The following SND1 variants were observed in gnomAD, a reference collection of about 807,000 sequenced individuals.
SND1 encodes staphylococcal nuclease domain-containing protein 1.
A neutral mutation model predicts 121.7 loss-of-function variants in SND1; 38 were observed. The observed-to-expected ratio is 0.31, with a 90% CI of 0.24 to 0.41. The LOEUF is 0.41. Ranked by LOEUF, SND1 falls within the 10% of genes least tolerant of loss-of-function variation. The pLI is 1.00. For synonymous variants in SND1, 401 were observed against 447.4 expected (o/e 0.90, Z 1.31); for missense variants, 868 against 1,184.6 (o/e 0.73, Z 3.92).
At chr7:127,736,509 G>A (rs1296675525) in intron 10 of SND1, among the ~76,000 whole-genome samples, 3 of 152,128 alleles carry the variant, frequency 2.0e-5, no homozygotes, top group South Asian at 2.1e-4. Flanking sequence ...TTATATCTTT[G>A]TTCTTAAAAT....
intron 16 of SND1, among the ~76,000 whole-genome samples, chr7:128,059,098 T>C (rs995937711): frequency 3.3e-5 from 5 of 152,196 alleles, no homozygotes; most frequent in Admixed American, 2.0e-4. Flanking sequence ...CTGCCACTTA[T>C]GCACTATTTC....
intron 11 of SND1, among the ~76,000 whole-genome samples, chr7:127,835,821 T>C (rs1337293030): frequency 2.6e-5 from 4 of 152,150 alleles, no homozygotes; most frequent in African/African-American, 9.7e-5. Flanking sequence ...ATTTAAAATA[T>C]TGTCATTTGT....
chr7:128,024,808 A>C (rs542031005), intron 16 of SND1, among the ~76,000 whole-genome samples: 2 of 152,304 alleles, frequency 1.3e-5, no homozygotes, highest in South Asian at 4.1e-4. Context: ...AAAGAGTTAG[A>C]GCTGGGGTAG....
intron 1 of SND1, among the ~76,000 whole-genome samples, chr7:127,674,349 A>G (rs182357461): frequency 6.6e-6 from 1 of 152,328 alleles, no homozygotes; most frequent in East Asian, 1.9e-4. Context: ...ATTTATCTGT[A>G]TATATTAAAA....
chr7:128,062,093 G>A (rs1793240685), intron 16 of SND1, among the ~76,000 whole-genome samples: 1 of 152,264 alleles, frequency 6.6e-6, no homozygotes, highest in Non-Finnish European at 1.5e-5. Flanking sequence ...TTAGTCGGGT[G>A]AGAGGAGAAG....
chr7:127,811,393 T>C (rs1448730673), intron 11 of SND1, among the ~76,000 whole-genome samples: 1 of 152,202 alleles, frequency 6.6e-6, no homozygotes, highest in Non-Finnish European at 1.5e-5. Flanking sequence ...ATCCAGAATT[T>C]CCAAGACTAA....
intron 9 of SND1, chr7:127,718,630 G>A (rs1162035032): frequency 4.1e-6 from 4 of 985,268 alleles, no homozygotes; most frequent in Non-Finnish European, 4.8e-6. Context: ...CTGCTGCTGG[G>A]GCCTAAAATT....
chr7:127,832,748 G>A (rs539638852), intron 11 of SND1, among the ~76,000 whole-genome samples: 22 of 152,308 alleles, frequency 1.4e-4, no homozygotes, highest in African/African-American at 4.6e-4. Flanking sequence ...ACTGCGGACC[G>A]GTACTGGTCC....
At chr7:127,740,808 C>T (rs1353908892) in intron 10 of SND1, among the ~76,000 whole-genome samples, 1 of 152,172 alleles carries the variant, frequency 6.6e-6, no homozygotes, top group East Asian at 1.9e-4. Flanking sequence ...AAGTGGAAAT[C>T]TGGTGAGATT....
intron 2 of SND1, among the ~76,000 whole-genome samples, chr7:127,688,785 A>G (rs555882871): frequency 9.2e-5 from 14 of 152,016 alleles, no homozygotes; most frequent in Admixed American, 2.0e-4. Flanking sequence ...CTTTGCCCCA[A>G]CTTTATCATG....
chr7:127,985,344 A>C (rs988788299), intron 15 of SND1, among the ~76,000 whole-genome samples: 1 of 151,968 alleles, frequency 6.6e-6, no homozygotes, highest in African/African-American at 2.4e-5. Flanking sequence ...TGCAACCTCC[A>C]CTTCTGGAAT....
At chr7:127,797,152 C>T (rs1253892953) in intron 10 of SND1, among the ~76,000 whole-genome samples, 1 of 152,110 alleles carries the variant, frequency 6.6e-6, no homozygotes, top group Non-Finnish European at 1.5e-5. Context: ...CTCACCCTCC[C>T]ACAGTGCTGG....
At chr7:127,970,693 A>C (rs1801964387) in intron 15 of SND1, among the ~76,000 whole-genome samples, 1 of 152,066 alleles carries the variant, frequency 6.6e-6, no homozygotes, top group Admixed American at 6.6e-5. Flanking sequence ...ATCCCTTTTC[A>C]ATTTTATCTT....
intron 15 of SND1, among the ~76,000 whole-genome samples, chr7:127,982,623 T>A (rs1802291588): frequency 6.6e-6 from 1 of 152,234 alleles, no homozygotes; most frequent in Non-Finnish European, 1.5e-5. Context: ...TCTAAACCTT[T>A]TAGTACAAAC....
Position 127,768,459 on chromosome 7 carries a change from G to A in SND1, c.1153-39025G>A, listed in dbSNP as rs868394765. Among the ~76,000 whole-genome samples the A allele has an allele frequency of 5.3e-5, 8 of 152,286 alleles. No individual in the cohort carries two copies. In the South Asian group the frequency reaches 6.2e-4, roughly 12 times the overall value. The stretch of plus-strand genomic sequence containing the variant: ...TTATAATTGTGGCCTTGTCAGTATA[G>A]CCGTCTGAATCACTGGGGACTTTTA... On this transcript the variant is annotated intron_variant, in intron 10 of 23. Coordinates refer to ENST00000354725, the MANE Select transcript of SND1 (RefSeq NM_014390.4).
At chr7:128,070,285 AG>A (rs1374464555) in intron 16 of SND1, among the ~76,000 whole-genome samples, 1 of 152,220 alleles carries the variant, frequency 6.6e-6, no homozygotes, top group Non-Finnish European at 1.5e-5. Flanking sequence ...CACTAAGTAG[AG>A]GGGAATCGAG....
intron 15 of SND1, among the ~76,000 whole-genome samples, chr7:127,982,184 C>G (rs1311653813): frequency 6.6e-6 from 1 of 152,218 alleles, no homozygotes; most frequent in Non-Finnish European, 1.5e-5. Context: ...AGATGCTTCT[C>G]TTCTCTTCCC....
In SND1 at chr7:127,764,056, A is replaced by AAAAAAAAAAAAAAAAC. The variant is rs1554422863; in HGVS notation, c.1152+42660_1152+42661insAAAAAAAAAAACAAAA. Reference sequence around the variant, plus strand: ...CCTGTCGCAAAAAAAAAAAAAACAAAAAAACAAAAAAACAAAAAACCCAAG... The same window carrying AAAAAAAAAAAAAAAAC: ...CCTGTCGCAAAAAAAAAAAAAACAAAAAAAAAAAAAAAAAACAAAACAAAAAAACAAAAAACCCAAG... On this transcript the variant is annotated intron_variant, in intron 10 of 23. Coordinates refer to ENST00000354725, the MANE Select transcript of SND1 (RefSeq NM_014390.4). 1.2e-3 allele frequency among the ~76,000 whole-genome samples: 168 copies of AAAAAAAAAAAAAAAAC among 135,234 alleles called. 2 individuals carry two copies. Among genetic ancestry groups the AAAAAAAAAAAAAAAAC allele is most frequent in the Non-Finnish European group, 1.9e-3 (115 of 61,436 alleles). 88.7% of individuals were successfully genotyped at this position (135,234 alleles called of 152,430 possible). A position where few individuals can be genotyped will look rare whatever the true frequency, so the allele number is the denominator to read the frequency against.
At chr7:128,089,790 C>G in intron 22 of SND1, 98 bp downstream of exon 22, 1 of 1,032,652 alleles carries the variant, frequency 9.7e-7, no homozygotes, top group Non-Finnish European at 1.4e-6. Context: ...AATCCACCAT[C>G]CTGCTGTTCC....
Sources: gnomAD v4.1 joint callset for allele counts (sites outside exome capture counted in the v4.1 genomes callset) on GRCh38, gnomAD v4.1.1 for gene constraint, MANE v1.5 for transcripts, NCBI Gene and HGNC (gene_info 2026-07-23, HGNC 2026-07-21) for gene names.